The following NIBAN2 variants were observed in gnomAD, a reference collection of about 807,000 sequenced individuals.
NIBAN2 encodes niban apoptosis regulator 2.
Under a neutral mutation model 81.8 loss-of-function variants are expected in NIBAN2, and 36 were observed. The ratio of observed to expected loss-of-function variants is 0.44; its 90% CI spans 0.34 to 0.58. The LOEUF (loss-of-function observed/expected upper bound fraction) is 0.58. NIBAN2 is among the 20% of genes least tolerant of loss of function. NIBAN2 has a pLI of 0.02. For synonymous variants in NIBAN2, 445 were observed against 441.6 expected, an observed-to-expected ratio of 1.01 and a Z score of -0.10; for missense variants, 897 against 1,014.1, an observed-to-expected ratio of 0.88 and a Z score of 1.57.
chr9:127,526,217 T>C (rs1001197860), intron 3 of NIBAN2, among the ~76,000 whole-genome samples: 1 of 151,854 alleles, frequency 6.6e-6, no homozygotes. Flanking sequence ...CGGGCCAACA[T>C]GGTGAAAACC....
Position 127,515,470 on chromosome 9 carries a change from G to A in NIBAN2, c.973+1387C>T, listed in dbSNP as rs554315970. On this transcript the variant is annotated intron_variant, in intron 8 of 13. Coordinates refer to ENST00000373312, the MANE Select transcript of NIBAN2 (RefSeq NM_022833.4). ...CGGGAGGTGGAGCTTGCAGTGAGCC[G>A]AGATCACGCCACTGCACTCCAGCCT... 7.7e-5 allele frequency among the ~76,000 whole-genome samples: 11 copies of A among 142,070 alleles called. No individual in the cohort carries two copies. The East Asian group carries it at 1.9e-3, about 25-fold the overall frequency. 93.2% of individuals were successfully genotyped at this position (142,070 alleles called of 152,430 possible). A position where few individuals can be genotyped will look rare whatever the true frequency, so the allele number is the denominator to read the frequency against.
intron 1 of NIBAN2, among the ~76,000 whole-genome samples, chr9:127,574,945 G>A (rs1469566035): frequency 6.6e-6 from 1 of 152,146 alleles, no homozygotes; most frequent in East Asian, 1.9e-4. Flanking sequence ...CAGCTCCACT[G>A]CCACCCCAAG....
At chr9:127,542,143 C>T (rs1164803074) in intron 1 of NIBAN2, among the ~76,000 whole-genome samples, 2 of 152,196 alleles carry the variant, frequency 1.3e-5, no homozygotes, top group Non-Finnish European at 2.9e-5. Flanking sequence ...AGTGGTACAG[C>T]TCCTACTGCC....
At chr9:127,535,917 GA>G (rs1211522412) in intron 1 of NIBAN2, among the ~76,000 whole-genome samples, 3 of 152,104 alleles carry the variant, frequency 2.0e-5, no homozygotes. Flanking sequence ...GCAGGCATCG[GA>G]GGGGGTACTG....
intron 1 of NIBAN2, among the ~76,000 whole-genome samples, chr9:127,547,600 G>A (rs1275681053): frequency 7.2e-6 from 1 of 139,632 alleles, no homozygotes; most frequent in Non-Finnish European, 1.5e-5. Flanking sequence ...CACTTTGGGA[G>A]GCCAAGGTGG....
chr9:127,513,095 A>G (rs112895498), intron 8 of NIBAN2, among the ~76,000 whole-genome samples: 1 of 152,238 alleles, frequency 6.6e-6, no homozygotes, highest in African/African-American at 2.4e-5. Context: ...AGGTCATTAT[A>G]TTCAGCCAGG....
intron 1 of NIBAN2, among the ~76,000 whole-genome samples, chr9:127,547,817 A>G (rs1254765074): frequency 1.3e-5 from 2 of 152,194 alleles, no homozygotes; most frequent in Non-Finnish European, 2.9e-5. Flanking sequence ...AGCCTGGGCA[A>G]CAAGAGCGAA....
At chr9:127,571,108 G>C (rs898434460), upstream of NIBAN2, among the ~76,000 whole-genome samples, 15 of 152,228 alleles carry the variant, frequency 9.9e-5, no homozygotes, top group Admixed American at 7.9e-4. Context: ...TCTTGGCTGG[G>C]CTGGAGGCCT....
chr9:127,572,504 G>A (rs1393120727), upstream of NIBAN2, among the ~76,000 whole-genome samples: 1 of 152,122 alleles, frequency 6.6e-6, no homozygotes, highest in Non-Finnish European at 1.5e-5. Context: ...GTGACAAGTG[G>A]GGTTGGGGTG....
intron 9 of NIBAN2, 133 bp from the exon 10 acceptor site, chr9:127,509,264 G>T: frequency 1.2e-6 from 1 of 817,592 alleles, no homozygotes; most frequent in Non-Finnish European, 1.9e-6. Flanking sequence ...GCCACCTGGT[G>T]CTCATGGCCA....
intron 1 of NIBAN2, among the ~76,000 whole-genome samples, chr9:127,549,331 T>G (rs899230348): frequency 1.3e-5 from 2 of 152,176 alleles, no homozygotes; most frequent in Non-Finnish European, 2.9e-5. Context: ...CCCACACGCA[T>G]GCACACTCAC....
At position 127,524,958 on chromosome 9, in the gene NIBAN2, A is replaced by C. The variant is rs187154590; in HGVS notation, c.421+100T>G. On this transcript the variant is annotated intron_variant, in intron 4 of 13. Coordinates refer to ENST00000373312, the MANE Select transcript of NIBAN2 (RefSeq NM_022833.4). ...CTCTAAGCCTAGTTGGTCTCTCCGC[A>C]AACATGGGGCTGAAAGCAATGGGCT... is the stretch of plus-strand genomic sequence containing the variant. 5 of 877,924 alleles carry C rather than the reference A, an allele frequency of 5.7e-6. No individual in the cohort carries two copies. In the East Asian group the frequency reaches 9.8e-5, roughly 17 times the overall value. 54.4% of individuals were successfully genotyped at this position (877,924 alleles called of 1,614,324 possible). A position where few individuals can be genotyped will look rare whatever the true frequency, so the allele number is the denominator to read the frequency against.
At chr9:127,546,757 A>C (rs1289716158) in intron 1 of NIBAN2, among the ~76,000 whole-genome samples, 2 of 152,108 alleles carry the variant, frequency 1.3e-5, no homozygotes, top group Non-Finnish European at 1.5e-5. Flanking sequence ...GCTCTCACTC[A>C]TTCATTCAGC....
intron 1 of NIBAN2, among the ~76,000 whole-genome samples, chr9:127,540,496 G>A (rs567125989): frequency 6.6e-6 from 1 of 152,312 alleles, no homozygotes; most frequent in African/African-American, 2.4e-5. Context: ...CCGCTCCTGT[G>A]CTAAGCATTT....
At chr9:127,575,721 G>A (rs1053283617) in intron 1 of NIBAN2, among the ~76,000 whole-genome samples, 1 of 151,802 alleles carries the variant, frequency 6.6e-6, no homozygotes, top group African/African-American at 2.4e-5. Context: ...GTAGAGACAG[G>A]GTTTCACCAT....
rs757575869 is a variant in NIBAN2 at position 127,568,877 on chromosome 9, C to A, written c.-3G>T. On this transcript the variant is annotated 5_prime_UTR_variant, in exon 1 of 14. Transcript: ENST00000373312. ...TGCGTGGACAGCACGTCCCCCATGG[C>A]CAGGAGGTGTCGCGGCCCGATCCGG... The A allele has an allele frequency of 1.5e-6, 2 of 1,339,140 alleles. No homozygotes were observed. Among genetic ancestry groups the A allele is most frequent in the South Asian group, 1.7e-5 (1 of 58,020 alleles). The allele number at this position is 1,339,140 out of a possible 1,614,324, so 83.0% of individuals were successfully genotyped here. A position where few individuals can be genotyped will look rare whatever the true frequency, so the allele number is the denominator to read the frequency against.
rs776876414 is a variant in NIBAN2 at position 127,510,330 on chromosome 9, A to G, written c.977T>C (p.Phe326Ser). Residue 326 changes from phenylalanine to serine, a missense_variant, in exon 9 of 14, where the codon TTC (phenylalanine) becomes TCC (serine). By Grantham distance (155) the Phe-to-Ser change is radical (BLOSUM62 -2). Coordinates refer to ENST00000373312, the MANE Select transcript of NIBAN2 (RefSeq NM_022833.4). The stretch of plus-strand genomic sequence containing the variant: ...GCACACCTCTGCCTTGGGGAGGATG[A>G]AGGCTGTGCCCCGAGGGAGCCGGGT... ...KEHLASKIRAFILPKAEVCVR... is the reference protein window; with the variant it reads ...KEHLASKIRASILPKAEVCVR... The G allele has an allele frequency of 1.3e-6, 2 of 1,599,530 alleles. No homozygotes were observed. The highest frequency in any genetic ancestry group is 1.7e-6 in the Non-Finnish European group (2 of 1,169,378).
intron 8 of NIBAN2, among the ~76,000 whole-genome samples, chr9:127,515,870 G>A (rs1006295301): frequency 1.3e-5 from 2 of 151,936 alleles, no homozygotes; most frequent in Admixed American, 6.6e-5. Flanking sequence ...GGGCACAGTC[G>A]CTCACATCTG....
At chr9:127,542,718 C>G (rs959254382) in intron 1 of NIBAN2, among the ~76,000 whole-genome samples, 47 of 152,152 alleles carry the variant, frequency 3.1e-4, no homozygotes, top group African/African-American at 1.1e-3. Context: ...TTCCCTGAGG[C>G]CAGTTTTGTT....
Sources: allele counts gnomAD v4.1 joint callset (sites outside exome capture counted in the v4.1 genomes callset), GRCh38; gene constraint gnomAD v4.1.1; transcripts MANE v1.5; gene names NCBI Gene and HGNC (gene_info 2026-07-23, HGNC 2026-07-21).